Variants in SOX5 observed in about 807,000 individuals in gnomAD.
SOX5 encodes the protein transcription factor SOX-5.
SOX5 carries 9 observed loss-of-function variants against 92.0 expected under a neutral mutation model. The ratio of observed to expected loss-of-function variants is 0.10; its 90% CI spans 0.06 to 0.17. SOX5 has a LOEUF of 0.17. Among genes scored for constraint, SOX5 ranks in the 10% least tolerant of loss-of-function variants. The pLI, the probability that SOX5 is intolerant of heterozygous loss-of-function variation, is 1.00. For missense variants in SOX5, 642 were observed against 944.5 expected (o/e 0.68, Z 4.20); for synonymous variants, 344 against 336.3 (o/e 1.02, Z -0.25).
intron 2 of SOX5, among the ~76,000 whole-genome samples, chr12:24,293,913 T>C (rs1431457057): frequency 6.6e-6 from 1 of 152,206 alleles, no homozygotes; most frequent in Non-Finnish European, 1.5e-5. Context: ...TTCTATGGTG[T>C]ATCTAGTGAA....
At chr12:23,998,669 G>A (rs2136335530) in intron 4 of SOX5, among the ~76,000 whole-genome samples, 1 of 151,902 alleles carries the variant, frequency 6.6e-6, no homozygotes, top group South Asian at 2.1e-4. Context: ...GGGCATGGTG[G>A]CTGGGGCTTG....
intron 5 of SOX5, among the ~76,000 whole-genome samples, chr12:23,737,628 A>C (rs2093651973): frequency 6.6e-6 from 1 of 152,056 alleles, no homozygotes; most frequent in Non-Finnish European, 1.5e-5. Context: ...TGTACATATA[A>C]TGCCTGCAAG....
chr12:23,713,516 T>C (rs1218937042), intron 6 of SOX5, among the ~76,000 whole-genome samples: 1 of 152,104 alleles, frequency 6.6e-6, no homozygotes, highest in Admixed American at 6.5e-5. Flanking sequence ...ATCTACATCA[T>C]TAATTCAGCC....
chr12:24,113,214 G>C (rs894236604), intron 4 of SOX5, among the ~76,000 whole-genome samples: 1 of 137,096 alleles, frequency 7.3e-6, no homozygotes, highest in African/African-American at 2.7e-5. Flanking sequence ...CCCTGGAAGA[G>C]AAATGATCAA....
intron 1 of SOX5, among the ~76,000 whole-genome samples, chr12:24,451,161 T>C (rs944115268): frequency 3.3e-5 from 5 of 152,248 alleles, no homozygotes; most frequent in African/African-American, 1.2e-4. Flanking sequence ...CTCCACTGTG[T>C]ATAAGTACCA....
intron 1 of SOX5, among the ~76,000 whole-genome samples, chr12:24,424,944 C>T (rs1430063975): frequency 2.8e-4 from 42 of 151,832 alleles, no homozygotes; most frequent in Admixed American, 2.7e-3. Context: ...TAGGCTTTTA[C>T]AGTTTCAATT....
intron 4 of SOX5, among the ~76,000 whole-genome samples, chr12:24,060,132 G>C (rs1281255027): frequency 1.1e-4 from 17 of 152,158 alleles, no homozygotes; most frequent in Admixed American, 1.1e-3. Flanking sequence ...AGTTGAAATA[G>C]TTATAATAAA....
chr12:24,512,058 C>T (rs1411451700), intron 1 of SOX5, among the ~76,000 whole-genome samples: 1 of 151,680 alleles, frequency 6.6e-6, no homozygotes, highest in Non-Finnish European at 1.5e-5. Context: ...AATGAAGTAC[C>T]ACTATTTAAA....
chr12:24,095,495 T>C (rs1039347726), intron 4 of SOX5, among the ~76,000 whole-genome samples: 9 of 151,952 alleles, frequency 5.9e-5, no homozygotes, highest in Non-Finnish European at 1.3e-4. Context: ...ACAGTCTGGG[T>C]TTTAGTTTCC....
At chr12:23,810,561 G>T (rs567453593) in intron 3 of SOX5, among the ~76,000 whole-genome samples, 52 of 152,264 alleles carry the variant, frequency 3.4e-4, no homozygotes, top group African/African-American at 1.1e-3. Context: ...GTCTTCTAGG[G>T]CCATTCGACA....
At chr12:23,659,289 TG>T (rs2082715332) in intron 7 of SOX5, among the ~76,000 whole-genome samples, 1 of 152,242 alleles carries the variant, frequency 6.6e-6, no homozygotes. Flanking sequence ...AGGAAGTTTA[TG>T]GTATTTAACT....
chr12:23,792,783 A>T (rs1328227223), intron 3 of SOX5, among the ~76,000 whole-genome samples: 2 of 151,820 alleles, frequency 1.3e-5, no homozygotes, highest in African/African-American at 4.8e-5. Flanking sequence ...CTGTTGTGGT[A>T]TCTGTCTTTC....
rs138466013 is a variant in SOX5, at chr12:23,620,125, A to G, written c.1018-15592T>C. 7.0e-3 allele frequency among the ~76,000 whole-genome samples: 1,072 copies of G among 152,266 alleles called. 32 individuals are homozygous for G. The highest frequency in any genetic ancestry group is 0.054 in the Admixed American group (820 of 15,270). The stretch of plus-strand genomic sequence containing the variant: ...CTGTAACTATGAATACCTGGAGGTC[A>G]GAAGGATGAGCTGATATAATTACAT... On this transcript the variant is annotated intron_variant, in intron 8 of 14. Transcript: ENST00000451604.
intron 1 of SOX5, among the ~76,000 whole-genome samples, chr12:24,432,404 T>C (rs1316524516): frequency 6.6e-6 from 1 of 150,790 alleles, no homozygotes; most frequent in African/African-American, 2.4e-5. Flanking sequence ...CCTAGCATTA[T>C]ATTATCCCAA....
intron 4 of SOX5, among the ~76,000 whole-genome samples, chr12:24,125,317 C>T (rs1279923748): frequency 6.6e-6 from 1 of 152,134 alleles, no homozygotes; most frequent in East Asian, 1.9e-4. Flanking sequence ...AGTTTTCTTT[C>T]CCTGAATCCC....
In SOX5 at chr12:23,787,129, CATA is replaced by C. The variant is rs2095394648; in HGVS notation, c.482-31408_482-31406del. On this transcript the variant is annotated intron_variant, in intron 3 of 14. Coordinates refer to ENST00000451604, the MANE Select transcript of SOX5 (RefSeq NM_006940.6). ...AGGAGTAGAGTATGCATTAGAACCA[CATA>C]ATTTCTATACATCTTCAAATTGTAA... 2.7e-5 allele frequency among the ~76,000 whole-genome samples: 3 copies of C among 110,336 alleles called. 1 individual carries two copies. Among genetic ancestry groups the C allele is most frequent in the Admixed American group, 1.6e-4 (2 of 12,828 alleles). The allele number at this position is 110,336 out of a possible 152,430, so 72.4% of individuals were successfully genotyped here.
At chr12:23,909,638 C>A (rs550226863) in intron 1 of SOX5, among the ~76,000 whole-genome samples, 2 of 152,108 alleles carry the variant, frequency 1.3e-5, no homozygotes, top group African/African-American at 4.8e-5. Flanking sequence ...ACAGTTTCCC[C>A]CTTAGCTTAA....
At chr12:23,899,966 A>G (rs1158254986) in intron 1 of SOX5, among the ~76,000 whole-genome samples, 2 of 152,224 alleles carry the variant, frequency 1.3e-5, no homozygotes, top group African/African-American at 2.4e-5. Flanking sequence ...GGACCAGAGT[A>G]TCCTTAAATG....
rs562217802 is a variant in SOX5 at position 23,856,599 on chromosome 12, C to T, written c.271-10406G>A. On this transcript the variant is annotated intron_variant, in intron 2 of 14. Transcript: ENST00000451604. ...CTAAGATTCAATTCTAAACTCCTTG[C>T]TGTGGTCATCATTAAGCTTCCTCAA... 7.2e-5 allele frequency among the ~76,000 whole-genome samples: 11 copies of T among 152,180 alleles called. No homozygotes were observed. The South Asian group carries it at 1.4e-3, about 20-fold the overall frequency.
Sources: gnomAD v4.1 joint callset for allele counts (sites outside exome capture counted in the v4.1 genomes callset) on GRCh38, gnomAD v4.1.1 for gene constraint, MANE v1.5 for transcripts, NCBI Gene and HGNC (gene_info 2026-07-23, HGNC 2026-07-21) for gene names.